RBFOX1: variants seen among roughly 807,000 people sequenced by gnomAD.
RBFOX1 encodes the protein RNA binding protein fox-1 homolog 1.
Under a neutral mutation model 57.7 loss-of-function variants are expected in RBFOX1, and 8 were observed. The ratio of observed to expected loss-of-function variants is 0.14; its 90% CI spans 0.08 to 0.25. RBFOX1 has a LOEUF of 0.25. Among genes scored for constraint, RBFOX1 ranks in the 10% least tolerant of loss-of-function variants. RBFOX1 has a pLI of 1.00. For missense variants in RBFOX1, 611 were observed against 548.5 expected, an observed-to-expected ratio of 1.11 and a Z score of -1.14; for synonymous variants, 326 against 222.4, an observed-to-expected ratio of 1.47 and a Z score of -4.15.
chr16:6,894,702 C>A (rs1465827519), intron 3 of RBFOX1, among the ~76,000 whole-genome samples: 1 of 152,146 alleles, frequency 6.6e-6, no homozygotes, highest in Non-Finnish European at 1.5e-5. Context: ...CTAAAACATT[C>A]ATGAATTAAA....
At chr16:7,414,991 G>T (rs558009132) in intron 4 of RBFOX1, among the ~76,000 whole-genome samples, 1 of 152,324 alleles carries the variant, frequency 6.6e-6, no homozygotes, top group Admixed American at 6.5e-5. Flanking sequence ...GAGGGGAGTT[G>T]TGAGGAGCTT....
At chr16:7,554,160 T>C (rs1453384884) in intron 5 of RBFOX1, among the ~76,000 whole-genome samples, 1 of 152,178 alleles carries the variant, frequency 6.6e-6, no homozygotes, top group African/African-American at 2.4e-5. Context: ...CAAAGCTTAG[T>C]TGGGCTGATG....
At chr16:7,661,257 C>T (rs118127127) in intron 12 of RBFOX1, among the ~76,000 whole-genome samples, 1,797 of 152,278 alleles carry the variant, frequency 0.012, 16 homozygotes, top group Non-Finnish European at 0.02. Flanking sequence ...TACATGTGCA[C>T]TTTGAAAACA....
At chr16:6,789,632 T>C (rs986001431) in intron 3 of RBFOX1, among the ~76,000 whole-genome samples, 8 of 152,234 alleles carry the variant, frequency 5.3e-5, no homozygotes, top group Non-Finnish European at 1.0e-4. Context: ...AAAGGCATTT[T>C]TACATTTGTG....
chr16:7,188,160 C>G (rs923864764), intron 4 of RBFOX1, among the ~76,000 whole-genome samples: 1 of 152,144 alleles, frequency 6.6e-6, no homozygotes, highest in Non-Finnish European at 1.5e-5. Flanking sequence ...TATTATCTAA[C>G]TGGAAAGAAA....
At chr16:5,832,677 A>G (rs1254779133) in intron 3 of RBFOX1, among the ~76,000 whole-genome samples, 1 of 152,224 alleles carries the variant, frequency 6.6e-6, no homozygotes, top group Non-Finnish European at 1.5e-5. Context: ...CAATTAGCCT[A>G]ATCCATAAAA....
chr16:5,816,286 A>T (rs575267953), intron 3 of RBFOX1, among the ~76,000 whole-genome samples: 1 of 152,240 alleles, frequency 6.6e-6, no homozygotes, highest in African/African-American at 2.4e-5. Context: ...TTCCTCCCTC[A>T]TCTAGGAAGA....
chr16:6,488,311 T>C (rs916227421), intron 2 of RBFOX1, among the ~76,000 whole-genome samples: 1 of 152,224 alleles, frequency 6.6e-6, no homozygotes, highest in Non-Finnish European at 1.5e-5. Flanking sequence ...GGATTTATTG[T>C]GGTTAGCTGA....
intron 4 of RBFOX1, among the ~76,000 whole-genome samples, chr16:7,411,797 G>T (rs2098428155): frequency 6.6e-6 from 1 of 151,788 alleles, no homozygotes; most frequent in Non-Finnish European, 1.5e-5. Context: ...CAGCTACGTG[G>T]GAGGCTGAGG....
intron 4 of RBFOX1, among the ~76,000 whole-genome samples, chr16:5,963,509 A>G (rs751752775): frequency 5.3e-5 from 8 of 152,254 alleles, no homozygotes; most frequent in Non-Finnish European, 1.2e-4. Context: ...TTCAAATTAT[A>G]TTACAAAGTT....
intron 5 of RBFOX1, among the ~76,000 whole-genome samples, chr16:7,530,589 A>G (rs2095123323): frequency 6.6e-6 from 1 of 151,986 alleles, no homozygotes; most frequent in African/African-American, 2.4e-5. Context: ...GAATTCAGCA[A>G]TGTCATGCGT....
chr16:7,616,903 C>A (rs1457786058), intron 10 of RBFOX1, among the ~76,000 whole-genome samples: 6 of 151,912 alleles, frequency 3.9e-5, no homozygotes, highest in Non-Finnish European at 5.9e-5. Flanking sequence ...GGCCAAAGTC[C>A]AATCCTAAGG....
chr16:5,719,368 A>AT (rs543029084), intron 3 of RBFOX1, among the ~76,000 whole-genome samples: 623 of 142,866 alleles, frequency 4.4e-3, no homozygotes, highest in Non-Finnish European at 5.7e-3. Flanking sequence ...TGCCCGGCTA[A>AT]TTTTTTTTTT....
intron 6 of RBFOX1, among the ~76,000 whole-genome samples, chr16:7,580,728 G>T (rs561132260): frequency 6.6e-6 from 1 of 152,258 alleles, no homozygotes; most frequent in South Asian, 2.1e-4. Flanking sequence ...ACATGAGTTT[G>T]CCATTTCTTT....
rs140293224 is a variant in RBFOX1, at chr16:5,820,188, A to G, written c.319-47115A>G. ...GGAGGAAGCAGAGCTCATGGGGATT[A>G]AAACACTTGCCCCTGGTCCATACTC... On this transcript the variant is annotated intron_variant, in intron 3 of 19. Transcript: ENST00000641259. 4.6e-5 allele frequency among the ~76,000 whole-genome samples: 7 copies of G among 152,334 alleles called. No individual in the cohort carries two copies. The East Asian group carries it at 1.4e-3, about 29-fold the overall frequency.
intron 2 of RBFOX1, among the ~76,000 whole-genome samples, chr16:6,643,413 T>C (rs1225782466): frequency 9.8e-6 from 1 of 102,564 alleles, no homozygotes; most frequent in Non-Finnish European, 2.0e-5. Context: ...GGTTTTTGTT[T>C]GTTTGTTAGT....
chr16:7,657,219 G>C (rs968873111), intron 12 of RBFOX1, among the ~76,000 whole-genome samples: 4 of 152,188 alleles, frequency 2.6e-5, no homozygotes, highest in Non-Finnish European at 5.9e-5. Context: ...CTTTATGGAA[G>C]CTTGGGTAAC....
At chr16:7,281,737 G>A (rs539519548) in intron 4 of RBFOX1, among the ~76,000 whole-genome samples, 2 of 152,118 alleles carry the variant, frequency 1.3e-5, no homozygotes, top group African/African-American at 2.4e-5. Context: ...TGAGGGAAAC[G>A]TGGGTTATTT....
chr16:6,518,047 T>G (rs2096415717), intron 2 of RBFOX1, among the ~76,000 whole-genome samples: 1 of 152,206 alleles, frequency 6.6e-6, no homozygotes, highest in African/African-American at 2.4e-5. Context: ...CTGTCTTTGT[T>G]GAACTAATTC....
Sources: gnomAD v4.1 joint callset for allele counts (sites outside exome capture counted in the v4.1 genomes callset) on GRCh38, gnomAD v4.1.1 for gene constraint, MANE v1.5 for transcripts, NCBI Gene and HGNC (gene_info 2026-07-23, HGNC 2026-07-21) for gene names.